The following SLC25A21 variants were observed in gnomAD, a reference collection of about 807,000 sequenced individuals.
SLC25A21 encodes mitochondrial 2-oxodicarboxylate carrier.
SLC25A21 carries 47 observed loss-of-function variants against 43.8 expected under a neutral mutation model. That is an observed-to-expected ratio of 1.07 (90% CI 0.85 to 1.37). The LOEUF (loss-of-function observed/expected upper bound fraction) is 1.37. Ranked by LOEUF, SLC25A21 falls within the 40% of genes most tolerant of loss-of-function variation. SLC25A21 has a pLI of 0.00. For synonymous variants in SLC25A21, 131 were observed against 121.3 expected, an observed-to-expected ratio of 1.08 and a Z score of -0.52; for missense variants, 352 against 350.2, an observed-to-expected ratio of 1.00 and a Z score of -0.04.
chr14:36,938,099 T>C (rs894224272), intron 1 of SLC25A21, among the ~76,000 whole-genome samples: 1 of 152,300 alleles, frequency 6.6e-6, no homozygotes, highest in Admixed American at 6.5e-5. Flanking sequence ...ATGGTCTGCA[T>C]GTTAACCCTT....
intron 1 of SLC25A21, among the ~76,000 whole-genome samples, chr14:37,014,153 G>C (rs1169573249): frequency 6.6e-6 from 1 of 152,068 alleles, no homozygotes; most frequent in Admixed American, 6.6e-5. Context: ...AGCTGTGGCA[G>C]TTTCTTTAAA....
rs768123169 is a variant in SLC25A21 at position 36,711,408 on chromosome 14, T to TCCTTTGTTGAGGC, written c.500_512dup (p.Leu172ProfsTer34). On this transcript the variant is annotated frameshift_variant, in exon 7 of 10. Transcript: ENST00000331299. LOFTEE classifies it high-confidence loss of function. ...CATGTCGTCCCAAAGTTGCAGTTAA[T>TCCTTTGTTGAGGC]CCTTTGTTGAGGCCCTGGAGTCCCC... The TCCTTTGTTGAGGC allele has an allele frequency of 1.5e-5, 24 of 1,614,054 alleles. No individual in the cohort carries two copies. The highest frequency in any genetic ancestry group is 1.9e-5 in the Non-Finnish European group (23 of 1,180,036).
intron 1 of SLC25A21, among the ~76,000 whole-genome samples, chr14:37,055,560 A>G (rs77293695): frequency 0.016 from 2,406 of 152,208 alleles, 47 homozygotes; most frequent in African/African-American, 0.055. Context: ...CTCTTGAAAC[A>G]TTCTTTCTGG....
Position 37,036,432 on chromosome 14 carries a change from A to G in SLC25A21, c.70+135849T>C, listed in dbSNP as rs141348133. ...CACACACAGTAAAACTTAGCGCAAC[A>G]TGTTACATTTTCTGAGTTAAAAAAA... is the stretch of plus-strand genomic sequence containing the variant. On this transcript the variant is annotated intron_variant, in intron 1 of 9. Coordinates refer to ENST00000331299, the MANE Select transcript of SLC25A21 (RefSeq NM_030631.4). Among the ~76,000 whole-genome samples, 29 of 152,100 alleles carry G rather than the reference A, an allele frequency of 1.9e-4. No individual in the cohort carries two copies. In the East Asian group the frequency reaches 5.2e-3, roughly 28 times the overall value.
chr14:36,688,263 C>T (rs1164461738), intron 7 of SLC25A21, among the ~76,000 whole-genome samples: 1 of 152,230 alleles, frequency 6.6e-6, no homozygotes, highest in Non-Finnish European at 1.5e-5. Context: ...GATTTATCCT[C>T]CCCTCTACTC....
intron 1 of SLC25A21, among the ~76,000 whole-genome samples, chr14:37,012,707 C>A (rs191691050): frequency 3.2e-4 from 49 of 152,188 alleles, no homozygotes; most frequent in Admixed American, 1.4e-3. Context: ...CGAATTTCCC[C>A]AACTTTAGTA....
At chr14:37,149,036 G>T (rs1339091251) in intron 1 of SLC25A21, among the ~76,000 whole-genome samples, 5 of 152,100 alleles carry the variant, frequency 3.3e-5, no homozygotes, top group African/African-American at 1.2e-4. Flanking sequence ...CTCCCTAAAT[G>T]CTGGAATTAC....
intron 2 of SLC25A21, among the ~76,000 whole-genome samples, chr14:36,873,657 T>C (rs1191625971): frequency 1.3e-5 from 2 of 152,180 alleles, no homozygotes; most frequent in African/African-American, 4.8e-5. Context: ...TGAATGTTTG[T>C]GACCCTCCAG....
chr14:36,729,451 G>T, intron 5 of SLC25A21, 56 bp downstream of exon 5: 1 of 1,340,492 alleles, frequency 7.5e-7, no homozygotes, highest in Non-Finnish European at 1.0e-6. Context: ...TTTGTTTCTA[G>T]ATTTTGCTTT....
intron 3 of SLC25A21, among the ~76,000 whole-genome samples, chr14:36,739,571 G>A (rs866273938): frequency 1.6e-4 from 24 of 151,950 alleles, no homozygotes; most frequent in African/African-American, 5.3e-4. Flanking sequence ...CCAGCTACTC[G>A]GGAGGCTGAA....
At chr14:36,922,982 G>A (rs774131620) in intron 1 of SLC25A21, among the ~76,000 whole-genome samples, 2 of 152,054 alleles carry the variant, frequency 1.3e-5, no homozygotes, top group Non-Finnish European at 2.9e-5. Flanking sequence ...GCAGACCCAG[G>A]AGAAAAATCA....
At chr14:36,889,440 C>T (rs1487595718) in intron 1 of SLC25A21, among the ~76,000 whole-genome samples, 1 of 152,100 alleles carries the variant, frequency 6.6e-6, no homozygotes, top group African/African-American at 2.4e-5. Context: ...GTTGTAATAA[C>T]ATTGAATACA....
chr14:36,984,918 A>G (rs952512458), intron 1 of SLC25A21, among the ~76,000 whole-genome samples: 1 of 151,458 alleles, frequency 6.6e-6, no homozygotes, highest in African/African-American at 2.4e-5. Flanking sequence ...AAAGACTTGG[A>G]ACCAACCCAA....
chr14:36,903,950 T>A (rs1229024499), intron 1 of SLC25A21, among the ~76,000 whole-genome samples: 1 of 152,192 alleles, frequency 6.6e-6, no homozygotes, highest in African/African-American at 2.4e-5. Context: ...TTTTTTGTTC[T>A]TAGAAAGTTC....
chr14:36,689,212 C>T (rs192620587), intron 7 of SLC25A21, among the ~76,000 whole-genome samples: 3 of 152,302 alleles, frequency 2.0e-5, no homozygotes, highest in East Asian at 1.9e-4. Context: ...GAGAAACTCC[C>T]GTGTTTAAAA....
chr14:36,857,795 C>T (rs1205982540), intron 2 of SLC25A21, among the ~76,000 whole-genome samples: 1 of 152,198 alleles, frequency 6.6e-6, no homozygotes, highest in African/African-American at 2.4e-5. Context: ...TGGGCTGAGG[C>T]CGCAGGCCTG....
chr14:37,133,485 T>C (rs1963426262), intron 1 of SLC25A21, among the ~76,000 whole-genome samples: 1 of 151,902 alleles, frequency 6.6e-6, no homozygotes, highest in Non-Finnish European at 1.5e-5. Context: ...TGCCCTAACT[T>C]AAGTTTTCAT....
At position 36,679,764 on chromosome 14, in the gene SLC25A21, A is replaced by G; in HGVS notation, c.*894T>C. On this transcript the variant is annotated 3_prime_UTR_variant, in exon 10 of 10. Transcript: ENST00000331299. The stretch of plus-strand genomic sequence containing the variant: ...ACAGGTAGGCATGCTGAATAAAGGT[A>G]TTTGGATGCAAATACTGATGGCTGA... 2.0e-6 allele frequency: 2 copies of G among 985,386 alleles called. No homozygotes were observed. Among genetic ancestry groups the G allele is most frequent in the Non-Finnish European group, 2.4e-6 (2 of 829,870 alleles). 61.0% of individuals were successfully genotyped at this position (985,386 alleles called of 1,614,324 possible).
chr14:37,038,551 C>T (rs1961377658), intron 1 of SLC25A21, among the ~76,000 whole-genome samples: 1 of 152,056 alleles, frequency 6.6e-6, no homozygotes, highest in Admixed American at 6.5e-5. Context: ...TCTTAAATTC[C>T]TATTTAAGGA....
Sources: gnomAD v4.1 joint callset for allele counts (sites outside exome capture counted in the v4.1 genomes callset) on GRCh38, gnomAD v4.1.1 for gene constraint, MANE v1.5 for transcripts, NCBI Gene and HGNC (gene_info 2026-07-23, HGNC 2026-07-21) for gene names.